The following ANK2 variants were observed in gnomAD, a reference collection of about 807,000 sequenced individuals.
ANK2 encodes ankyrin-2.
ANK2 carries 83 observed loss-of-function variants against 360.5 expected under a neutral mutation model. That is an observed-to-expected ratio of 0.23 (90% confidence interval 0.19 to 0.28). The LOEUF (loss-of-function observed/expected upper bound fraction) is 0.28. Ranked by LOEUF, ANK2 falls within the 10% of genes least tolerant of loss-of-function variation. The pLI is 1.00. For missense variants in ANK2, 4,201 were observed against 4,795.7 expected, an observed-to-expected ratio of 0.88 and a Z score of 3.66; for synonymous variants, 1,740 against 1,759.5, an observed-to-expected ratio of 0.99 and a Z score of 0.28.
chr4:112,912,548 C>T (rs1242355916), intron 2 of ANK2, among the ~76,000 whole-genome samples: 2 of 151,684 alleles, frequency 1.3e-5, no homozygotes, highest in Non-Finnish European at 2.9e-5. Flanking sequence ...AGTGGGGAAT[C>T]CCAAAGTAAA....
Position 113,062,221 on chromosome 4 carries a change from A to G in ANK2, c.84+12409A>G, listed in dbSNP as rs77882390. ...CCCCAGGGTAGATTTTTAACTCTCT[A>G]TGTCAGGATCTATTGGCAGTTTTTT... On this transcript the variant is annotated intron_variant, in intron 1 of 45. Transcript: ENST00000357077. Among the ~76,000 whole-genome samples, 936 of 152,168 alleles carry G rather than the reference A, an allele frequency of 6.2e-3. 12 individuals are homozygous for G. Among genetic ancestry groups the G allele is most frequent in the African/African-American group, 0.018 (736 of 41,558 alleles).
the ANK2 span, chr4:112,788,364 A>G: frequency 1.3e-6 from 2 of 1,555,552 alleles, no homozygotes; most frequent in African/African-American, 1.4e-5. Context: ...ATTTTACGAC[A>G]TAGGGCAGGC....
At chr4:113,124,807 A>G (rs1268811115) in intron 1 of ANK2, among the ~76,000 whole-genome samples, 1 of 152,112 alleles carries the variant, frequency 6.6e-6, no homozygotes, top group Non-Finnish European at 1.5e-5. Flanking sequence ...GAACACCTCA[A>G]CAGAAAACAA....
the ANK2 span, among the ~76,000 whole-genome samples, chr4:112,720,709 G>A: frequency 3.9e-5 from 6 of 152,212 alleles, no homozygotes; most frequent in African/African-American, 1.4e-4. Flanking sequence ...GTGTGGACTA[G>A]ATAGAAGGAA....
the ANK2 span, among the ~76,000 whole-genome samples, chr4:112,710,141 G>A: frequency 6.6e-6 from 1 of 152,194 alleles, no homozygotes; most frequent in Non-Finnish European, 1.5e-5. Context: ...TGGGTTTAGA[G>A]AAACTGAGCT....
chr4:113,328,694 C>CA (rs1160350358), intron 26 of ANK2, among the ~76,000 whole-genome samples: 4 of 152,268 alleles, frequency 2.6e-5, no homozygotes, highest in Non-Finnish European at 5.9e-5. Flanking sequence ...CTGGCCCCTG[C>CA]ATGTGGGAAG....
At chr4:113,301,930 A>G (rs2075223255) in intron 22 of ANK2, among the ~76,000 whole-genome samples, 1 of 152,206 alleles carries the variant, frequency 6.6e-6, no homozygotes, top group Non-Finnish European at 1.5e-5. Context: ...ATGGTAGCTA[A>G]TATTTATGGA....
At chr4:112,913,042 A>G (rs900045823) in intron 2 of ANK2, among the ~76,000 whole-genome samples, 1 of 152,112 alleles carries the variant, frequency 6.6e-6, no homozygotes. Context: ...GATGATTGGA[A>G]CAAAGTGCAC....
intron 7 of ANK2, among the ~76,000 whole-genome samples, chr4:113,238,741 A>G (rs761428942): frequency 6.6e-6 from 1 of 152,018 alleles, no homozygotes; most frequent in Non-Finnish European, 1.5e-5. Flanking sequence ...AAGAAGAGAA[A>G]CCCCTTCGTC....
intron 2 of ANK2, among the ~76,000 whole-genome samples, chr4:113,021,534 A>ACC (rs1561570360): frequency 2.2e-4 from 21 of 95,614 alleles, no homozygotes; most frequent in Admixed American, 7.4e-4. Context: ...ACACACCCAC[A>ACC]CACAAACATA....
intron 1 of ANK2, among the ~76,000 whole-genome samples, chr4:113,072,250 G>A (rs2077865828): frequency 1.3e-5 from 2 of 152,128 alleles, no homozygotes; most frequent in Admixed American, 1.3e-4. Context: ...AGGGTTACCT[G>A]GTATGGAAAA....
At chr4:112,723,009 A>G in the ANK2 span, among the ~76,000 whole-genome samples, 126 of 152,310 alleles carry the variant, frequency 8.3e-4, 1 homozygote, top group African/African-American at 2.8e-3. Flanking sequence ...TTCTCTAGAA[A>G]TGAAGGAAAG....
Position 113,277,974 on chromosome 4 carries a change from A to G in ANK2, c.1782+39A>G, listed in dbSNP as rs138421252. 5.9e-5 allele frequency: 92 copies of G among 1,552,260 alleles called. No individual in the cohort carries two copies. The African/African-American group carries it at 1.1e-3, about 19-fold the overall frequency. On this transcript the variant is annotated intron_variant, in intron 16 of 45. Coordinates refer to ENST00000357077, the MANE Select transcript of ANK2 (RefSeq NM_001148.6). ...ATACGTTATAATTATGTAACAGTGA[A>G]GGTGATAGATTAGGAGATCTGTAAA...
intron 1 of ANK2, among the ~76,000 whole-genome samples, chr4:113,078,564 T>G (rs1053619877): frequency 3.9e-5 from 6 of 152,156 alleles, no homozygotes; most frequent in African/African-American, 1.4e-4. Flanking sequence ...ATTATCACCA[T>G]TTATATGTTT....
chr4:112,748,092 G>A, the ANK2 span, among the ~76,000 whole-genome samples: 12 of 152,094 alleles, frequency 7.9e-5, no homozygotes, highest in African/African-American at 2.9e-4. Flanking sequence ...TTCAATATCT[G>A]CAGTGCATCA....
chr4:112,924,199 C>T lies in ANK2; in HGVS notation c.21+19685C>T, dbSNP rs527816459. 9.2e-5 allele frequency among the ~76,000 whole-genome samples: 14 copies of T among 152,076 alleles called. No individual in the cohort carries two copies. In the South Asian group the frequency reaches 2.9e-3, roughly 32 times the overall value. Reference sequence around the variant, plus strand: ...CCTGGCCAACATGGTGAAACCCTGTCTCTACTAAAAATACAAAAATTAGTT... The same window carrying T: ...CCTGGCCAACATGGTGAAACCCTGTTTCTACTAAAAATACAAAAATTAGTT... On this transcript the variant is annotated intron_variant, in intron 2 of 30. Coordinates refer to the ANK2 transcript ENST00000503271.
At chr4:113,318,371 C>A (rs778531236) in intron 25 of ANK2, 146 bp from the exon 26 acceptor site, 44 of 661,642 alleles carry the variant, frequency 6.7e-5, no homozygotes, top group Admixed American at 1.5e-4. Flanking sequence ...TTAAAAGATT[C>A]ATTGTAAATA....
chr4:113,018,065 T>A lies in ANK2; in HGVS notation c.21+113551T>A, dbSNP rs73840998. Among the ~76,000 whole-genome samples, 1,033 of 152,352 alleles carry A rather than the reference T, an allele frequency of 6.8e-3. 12 individuals carry two copies. Among genetic ancestry groups the A allele is most frequent in the African/African-American group, 0.023 (967 of 41,588 alleles). ...ATCGCAATTTTTGATTATACTTCCC[T>A]TGAAAAATAACAAGATGAAATGTTT... On this transcript the variant is annotated intron_variant, in intron 2 of 30. Coordinates refer to the ANK2 transcript ENST00000503271.
At chr4:113,177,058 C>G (rs767519823) in intron 2 of ANK2, among the ~76,000 whole-genome samples, 13 of 152,110 alleles carry the variant, frequency 8.5e-5, no homozygotes, top group Non-Finnish European at 1.9e-4. Flanking sequence ...GGTTCCAAGT[C>G]TTTGCTATTG....
Sources: allele counts gnomAD v4.1 joint callset (sites outside exome capture counted in the v4.1 genomes callset), GRCh38; gene constraint gnomAD v4.1.1; transcripts MANE v1.5; gene names NCBI Gene and HGNC (gene_info 2026-07-23, HGNC 2026-07-21).